Variants in PTMA observed in about 807,000 individuals in gnomAD.
PTMA encodes the protein prothymosin alpha.
A neutral mutation model predicts 16.9 loss-of-function variants in PTMA; 4 were observed. The observed-to-expected ratio is 0.24, with a 90% CI of 0.12 to 0.54. PTMA has a LOEUF of 0.54. PTMA is among the 20% of genes least tolerant of loss of function. The pLI is 0.95. For synonymous variants in PTMA, 58 were observed against 47.9 expected, an observed-to-expected ratio of 1.21 and a Z score of -0.87; for missense variants, 120 against 137.7, an observed-to-expected ratio of 0.87 and a Z score of 0.64.
chr2:231,712,294 T>C (rs1479333879), intron 3 of PTMA, 149 bp from the exon 4 acceptor site: 8 of 880,036 alleles, frequency 9.1e-6, no homozygotes, highest in African/African-American at 1.7e-5. Flanking sequence ...GTCCCACCTG[T>C]GTAGTGGGCG....
intron 1 of PTMA, among the ~76,000 whole-genome samples, chr2:231,709,610 C>T (rs1042389415): frequency 6.6e-5 from 10 of 152,188 alleles, no homozygotes; most frequent in African/African-American, 1.9e-4. Context: ...CCGCGACAGG[C>T]CAATGGTAGG....
intron 2 of PTMA, chr2:231,711,645 T>TC: frequency 1.3e-6 from 1 of 748,190 alleles, no homozygotes; most frequent in Non-Finnish European, 2.1e-6. Flanking sequence ...CAGAGGAGAC[T>TC]CCGGTAGTCT....
rs762143433 is a variant in PTMA, at chr2:231,711,898, A to G, written c.126A>G (p.Glu42=). 3 of 1,612,488 alleles carry G rather than the reference A, an allele frequency of 1.9e-6. No individual in the cohort carries two copies. Among genetic ancestry groups the G allele is most frequent in the South Asian group, 2.2e-5 (2 of 90,852 alleles). The change falls in exon 3 of 5, where the codon GAA becomes GAG. Residue 42 remains glutamate (E), a synonymous_variant. Transcript: ENST00000409115. ...DAPANGNANE[E]NGEQEADNEV... The stretch of plus-strand genomic sequence containing the variant: ...TGTTTTCTGTCGAGGAGAATGAGGA[A>G]AATGGGGAGCAGGAGGCTGACAATG...
rs1052183637 is a variant in PTMA, at chr2:231,713,075, C to T, written c.*224C>T. The T allele has an allele frequency of 2.1e-5, 12 of 559,032 alleles. No homozygotes were observed. Among genetic ancestry groups the T allele is most frequent in the Non-Finnish European group, 3.2e-5 (10 of 308,136 alleles). 34.6% of individuals were successfully genotyped at this position (559,032 alleles called of 1,614,324 possible). A position where few individuals can be genotyped will look rare whatever the true frequency, so the allele number is the denominator to read the frequency against. On this transcript the variant is annotated 3_prime_UTR_variant, in exon 5 of 5. Coordinates refer to ENST00000409115, the MANE Select transcript of PTMA (RefSeq NM_002823.5). The stretch of plus-strand genomic sequence containing the variant: ...AAAAAGAACCAAAACTTCCAAGGCC[C>T]TGCTTTTTTTCTTAAAAGTACTTTA...
chr2:231,710,423 C>G lies in PTMA; in HGVS notation c.46-925C>G, dbSNP rs867894754. ...CTGCGCGCCGCGACCTCCCTGCCCC[C>G]ACTGCTCCCCGGGGCTTCGGCCGCC... On this transcript the variant is annotated intron_variant, in intron 1 of 4. Coordinates refer to ENST00000409115, the MANE Select transcript of PTMA (RefSeq NM_002823.5). 1.2e-5 allele frequency: 14 copies of G among 1,154,892 alleles called. No individual in the cohort carries two copies. The Middle Eastern group carries it at 1.1e-3, about 89-fold the overall frequency. The allele number at this position is 1,154,892 out of a possible 1,614,324, so 71.5% of individuals were successfully genotyped here.
rs73086827 is a variant in PTMA at position 231,709,948 on chromosome 2, C to G, written c.45+1197C>G. ...GCAGAGCGGAGCTCGGGGCCCGGAT[C>G]TCCACAGGGGCTCTCAGTGACCCCT... On this transcript the variant is annotated intron_variant, in intron 1 of 4. Transcript: ENST00000409115. 1,634 of 702,146 alleles carry G rather than the reference C, an allele frequency of 2.3e-3. 13 individuals are homozygous for G. The African/African-American group carries it at 0.027, about 12-fold the overall frequency. 43.5% of individuals were successfully genotyped at this position (702,146 alleles called of 1,614,324 possible). A position where few individuals can be genotyped will look rare whatever the true frequency, so the allele number is the denominator to read the frequency against.
At chr2:231,712,311 C>T in intron 3 of PTMA, 132 bp from the exon 4 acceptor site, 1 of 1,001,054 alleles carries the variant, frequency 1.0e-6, no homozygotes, top group Admixed American at 2.1e-5. Context: ...GGCGTGGGTG[C>T]CCTGATTGGG....
intron 1 of PTMA, chr2:231,710,127 T>TA: frequency 8.0e-7 from 1 of 1,247,256 alleles, no homozygotes; most frequent in Non-Finnish European, 1.0e-6. Flanking sequence ...GTCTCGGACC[T>TA]ACGCAGCCCG....
intron 1 of PTMA, 41 bp downstream of exon 1, chr2:231,708,792 C>G (rs745522073): frequency 1.5e-4 from 244 of 1,592,574 alleles, no homozygotes; most frequent in Non-Finnish European, 9.6e-5. Flanking sequence ...GTCCGCGCGC[C>G]GCCGCTCGGG....
chr2:231,713,470 T>G lies in PTMA; in HGVS notation c.*619T>G. 1 of 459,340 alleles carries G rather than the reference T, an allele frequency of 2.2e-6. No individual in the cohort carries two copies. The allele number at this position is 459,340 out of a possible 1,614,324, so 28.5% of individuals were successfully genotyped here. A position where few individuals can be genotyped will look rare whatever the true frequency, so the allele number is the denominator to read the frequency against. The stretch of plus-strand genomic sequence containing the variant: ...GTTGCTGTTTATTTTTTTTGGCCTG[T>G]TTGATGTATGTGTGAAACAATGTTG... On this transcript the variant is annotated 3_prime_UTR_variant, in exon 5 of 5. Coordinates refer to ENST00000409115, the MANE Select transcript of PTMA (RefSeq NM_002823.5).
chr2:231,710,186 C>T (rs757502699), intron 1 of PTMA: 2 of 1,305,450 alleles, frequency 1.5e-6, no homozygotes, highest in Non-Finnish European at 2.0e-6. Context: ...CGAATGCAGA[C>T]ATTCGGGCCT....
At chr2:231,710,377 C>A (rs888204502) in intron 1 of PTMA, 35 of 1,189,298 alleles carry the variant, frequency 2.9e-5, no homozygotes, top group South Asian at 4.2e-5. Context: ...GCGCAAAGCC[C>A]GCCGGGCGGG....
At position 231,713,518 on chromosome 2, in the gene PTMA, A is replaced by G. The variant is rs2048547594; in HGVS notation, c.*667A>G. 2.4e-6 allele frequency: 1 copy of G among 414,834 alleles called. No individual in the cohort carries two copies. Among genetic ancestry groups the G allele is most frequent in the African/African-American group, 2.1e-5 (1 of 47,816 alleles). The allele number at this position is 414,834 out of a possible 1,614,324, so 25.7% of individuals were successfully genotyped here. Reference sequence around the variant, plus strand: ...TTGTCCAACAATAAACAGGAATTTTATTTTGCTGAGTTGTTCTAACAAAGC... The same window carrying G: ...TTGTCCAACAATAAACAGGAATTTTGTTTTGCTGAGTTGTTCTAACAAAGC... On this transcript the variant is annotated 3_prime_UTR_variant, in exon 5 of 5. Coordinates refer to ENST00000409115, the MANE Select transcript of PTMA (RefSeq NM_002823.5).
chr2:231,713,358 G>T lies in PTMA; in HGVS notation c.*507G>T, dbSNP rs755107666. ...AGTAACTTTTTTGTGTATGTACTTA[G>T]CTGTACTATAAGTAGTTGGTTTGTA... On this transcript the variant is annotated 3_prime_UTR_variant, in exon 5 of 5. Transcript: ENST00000409115. 3.9e-6 allele frequency: 2 copies of T among 512,034 alleles called. No individual in the cohort carries two copies. Among genetic ancestry groups the T allele is most frequent in the Non-Finnish European group, 7.9e-6 (2 of 253,640 alleles). 31.7% of individuals were successfully genotyped at this position (512,034 alleles called of 1,614,324 possible).
At chr2:231,709,843 A>C in intron 1 of PTMA, 1 of 224,590 alleles carries the variant, frequency 4.5e-6, no homozygotes. Context: ...CCCTGCAGGG[A>C]TTGGCGCGAG....
At chr2:231,710,001 T>A in intron 1 of PTMA, 4 of 1,094,894 alleles carry the variant, frequency 3.7e-6, no homozygotes. Flanking sequence ...AATGAGTTTG[T>A]GGGGTGAGAA....
chr2:231,708,883 G>A, intron 1 of PTMA, 132 bp downstream of exon 1: 1 of 1,115,838 alleles, frequency 9.0e-7, no homozygotes, highest in South Asian at 1.5e-5. Flanking sequence ...CCCCCGGCGC[G>A]GTGCCCTCAG....
At chr2:231,710,465 C>T (rs1475107618) in intron 1 of PTMA, 5 of 1,088,652 alleles carry the variant, frequency 4.6e-6, no homozygotes, top group Non-Finnish European at 2.3e-6. Flanking sequence ...CGAGAGCGGG[C>T]GGAGCCGGGG....
chr2:231,708,791 C>T lies in PTMA; in HGVS notation c.45+40C>T, dbSNP rs1397545815. 4.4e-6 allele frequency: 7 copies of T among 1,593,158 alleles called. No homozygotes were observed. The Admixed American group carries it at 1.2e-4, about 27-fold the overall frequency. The stretch of plus-strand genomic sequence containing the variant: ...CGCCCGCCCCCTCGGGGTCCGCGCG[C>T]CGCCGCTCGGGCGGTGTTTGGCGCG... On this transcript the variant is annotated intron_variant, in intron 1 of 4. Transcript: ENST00000409115.
Sources: allele counts gnomAD v4.1 joint callset (sites outside exome capture counted in the v4.1 genomes callset), GRCh38; gene constraint gnomAD v4.1.1; transcripts MANE v1.5; gene names NCBI Gene and HGNC (gene_info 2026-07-23, HGNC 2026-07-21).